Variants in TPTE2 observed in about 807,000 individuals in gnomAD.
TPTE2 encodes the protein phosphatidylinositol 3,4,5-trisphosphate 3-phosphatase TPTE2.
A neutral mutation model predicts 78.6 loss-of-function variants in TPTE2; 53 were observed. The ratio of observed to expected loss-of-function variants is 0.67; its 90% confidence interval spans 0.54 to 0.85. TPTE2 has a LOEUF of 0.85. Ranked by LOEUF, TPTE2 falls within the 40% of genes least tolerant of loss-of-function variation. The pLI, the probability that TPTE2 is intolerant of heterozygous loss-of-function variation, is 0.00. For missense variants in TPTE2, 461 were observed against 623.0 expected (o/e 0.74, Z 2.77); for synonymous variants, 175 against 206.2 (o/e 0.85, Z 1.30).
intron 10 of TPTE2, among the ~76,000 whole-genome samples, chr13:19,456,987 C>T (rs1350767153): frequency 6.6e-6 from 1 of 152,106 alleles, no homozygotes; most frequent in African/African-American, 2.4e-5. Context: ...ACAGTCATAA[C>T]AAAAGGACAA....
At chr13:19,474,450 C>T (rs1215161892) in intron 5 of TPTE2, among the ~76,000 whole-genome samples, 6 of 152,116 alleles carry the variant, frequency 3.9e-5, no homozygotes, top group African/African-American at 1.2e-4. Context: ...GAAGTTTATA[C>T]CAATTTCTCA....
intron 1 of TPTE2, among the ~76,000 whole-genome samples, chr13:19,509,318 GAGA>G (rs1428070210): frequency 1.3e-5 from 2 of 152,208 alleles, no homozygotes; most frequent in East Asian, 3.9e-4. Context: ...AAAAACCGTG[GAGA>G]AGATTAACAA....
chr13:19,434,915 G>A (rs1474868910), intron 15 of TPTE2, among the ~76,000 whole-genome samples: 1 of 152,152 alleles, frequency 6.6e-6, no homozygotes, highest in East Asian at 1.9e-4. Context: ...TACTTTCTCT[G>A]AACCTCAATT....
chr13:19,537,796 G>C (rs1207994855), upstream of TPTE2, among the ~76,000 whole-genome samples: 1 of 150,668 alleles, frequency 6.6e-6, no homozygotes, highest in Non-Finnish European at 1.5e-5. Context: ...GTAGAGATGG[G>C]GTTTCACCAT....
chr13:19,424,721 G>A (rs1875886688), intron 19 of TPTE2, among the ~76,000 whole-genome samples: 1 of 152,162 alleles, frequency 6.6e-6, no homozygotes, highest in Non-Finnish European at 1.5e-5. Flanking sequence ...TCATAACACA[G>A]TCCTATGGCA....
At chr13:19,491,740 G>A (rs1426745565) in intron 3 of TPTE2, among the ~76,000 whole-genome samples, 3 of 152,064 alleles carry the variant, frequency 2.0e-5, no homozygotes, top group Non-Finnish European at 2.9e-5. Flanking sequence ...CAGGAAAATC[G>A]CTTGAACCCG....
chr13:19,560,229 T>C, the TPTE2 span: 1 of 858,922 alleles, frequency 1.2e-6, no homozygotes, highest in Non-Finnish European at 1.8e-6. Context: ...GCGGAGCTTC[T>C]GGCAGCTGCT....
chr13:19,512,770 G>C (rs913158423), intron 1 of TPTE2, among the ~76,000 whole-genome samples: 3 of 152,036 alleles, frequency 2.0e-5, no homozygotes, highest in South Asian at 4.1e-4. Flanking sequence ...GTAGAGACAG[G>C]GTTTTACCAT....
the TPTE2 span, chr13:19,560,399 C>T: frequency 1.3e-5 from 21 of 1,608,924 alleles, no homozygotes; most frequent in Non-Finnish European, 1.7e-5. Context: ...GCCCGTGCCC[C>T]CTCTTCATCC....
At chr13:19,450,419 CAT>C in intron 11 of TPTE2, 75 bp from the exon 15 acceptor site, 3 of 1,331,364 alleles carry the variant, frequency 2.3e-6, no homozygotes, top group Non-Finnish European at 3.1e-6. Context: ...AATAAGTTAA[CAT>C]ATCTTATTAG....
intron 13 of TPTE2, among the ~76,000 whole-genome samples, chr13:19,444,774 T>C (rs1020431748): frequency 6.6e-6 from 1 of 152,160 alleles, no homozygotes; most frequent in Non-Finnish European, 1.5e-5. Context: ...TGAGGACGTA[T>C]TAGAAAGCTA....
At position 19,433,804 on chromosome 13, in the gene TPTE2, G is replaced by A. The variant is rs569463218; in HGVS notation, c.1117-1226C>T. 8.5e-5 allele frequency among the ~76,000 whole-genome samples: 13 copies of A among 152,272 alleles called. 1 individual carries two copies. In the East Asian group the frequency reaches 1.9e-3, roughly 23 times the overall value. ...AGCTGAGTCCCTGTGTTGCTTTTTCGGTGAATCAGAAGAGATTCAGTTGCA... is the reference window on the plus strand; with the variant it reads ...AGCTGAGTCCCTGTGTTGCTTTTTCAGTGAATCAGAAGAGATTCAGTTGCA... On this transcript the variant is annotated intron_variant, in intron 15 of 19. Coordinates refer to ENST00000400230, the Ensembl canonical transcript of TPTE2.
intron 1 of TPTE2, among the ~76,000 whole-genome samples, chr13:19,512,839 A>C (rs1869541495): frequency 6.6e-6 from 1 of 152,154 alleles, no homozygotes; most frequent in East Asian, 1.9e-4. Flanking sequence ...AGCCTCCCAA[A>C]GTGCTGGGAT....
intron 1 of TPTE2, among the ~76,000 whole-genome samples, chr13:19,497,028 A>G (rs1272817820): frequency 6.6e-6 from 1 of 152,160 alleles, no homozygotes; most frequent in Non-Finnish European, 1.5e-5. Flanking sequence ...GAGTCAAAGA[A>G]AGGGGTGACA....
At chr13:19,468,160 C>T in intron 6 of TPTE2, among the ~76,000 whole-genome samples, 1 of 149,416 alleles carries the variant, frequency 6.7e-6, no homozygotes. Flanking sequence ...CCTGCCTCAG[C>T]CTCACGAGTA....
chr13:19,517,257 T>C (rs1869853000), intron 1 of TPTE2, among the ~76,000 whole-genome samples: 1 of 152,254 alleles, frequency 6.6e-6, no homozygotes, highest in Non-Finnish European at 1.5e-5. Context: ...CAAGATCCTG[T>C]TAGCAGTTTT....
chr13:19,437,150 C>T (rs1877158686), intron 14 of TPTE2, among the ~76,000 whole-genome samples: 1 of 152,034 alleles, frequency 6.6e-6, no homozygotes, highest in Non-Finnish European at 1.5e-5. Flanking sequence ...AACCCAGTAA[C>T]TTTATTTTAA....
chr13:19,545,629 A>T, the TPTE2 span, among the ~76,000 whole-genome samples: 4 of 152,182 alleles, frequency 2.6e-5, no homozygotes, highest in African/African-American at 9.7e-5. Flanking sequence ...ATTATAAATA[A>T]GGAGTTACAG....
intron 13 of TPTE2, among the ~76,000 whole-genome samples, chr13:19,447,080 G>A (rs1166698000): frequency 3.9e-5 from 6 of 151,970 alleles, no homozygotes; most frequent in Admixed American, 2.0e-4. Flanking sequence ...CCTATAAATC[G>A]ATATAAAATA....
Sources: allele counts gnomAD v4.1 joint callset (sites outside exome capture counted in the v4.1 genomes callset), GRCh38; gene constraint gnomAD v4.1.1; transcripts MANE v1.5; gene names NCBI Gene and HGNC (gene_info 2026-07-23, HGNC 2026-07-21).